ROCK2: variants seen among roughly 807,000 people sequenced by gnomAD.
ROCK2 encodes the protein rho-associated protein kinase 2.
A neutral mutation model predicts 195.1 loss-of-function variants in ROCK2; 61 were observed. The ratio of observed to expected loss-of-function variants is 0.31; its 90% CI spans 0.25 to 0.39. ROCK2 has a LOEUF of 0.39. ROCK2 is among the 10% of genes least tolerant of loss of function. The pLI, the probability that ROCK2 is intolerant of heterozygous loss-of-function variation, is 1.00. For synonymous variants in ROCK2, 504 were observed against 545.5 expected, an observed-to-expected ratio of 0.92 and a Z score of 1.06; for missense variants, 1,109 against 1,637.4, an observed-to-expected ratio of 0.68 and a Z score of 5.57.
chr2:11,315,308 T>C (rs984095489), intron 1 of ROCK2, among the ~76,000 whole-genome samples: 5 of 152,060 alleles, frequency 3.3e-5, no homozygotes, highest in Non-Finnish European at 7.4e-5. Context: ...CTGAATTCAA[T>C]ACTGCAGTGT....
At chr2:11,185,476 C>T (rs1260402901) in intron 32 of ROCK2, among the ~76,000 whole-genome samples, 1 of 152,210 alleles carries the variant, frequency 6.6e-6, no homozygotes, top group African/African-American at 2.4e-5. Flanking sequence ...CGTCTGTAAT[C>T]CCAGCACTTT....
intron 1 of ROCK2, chr2:11,308,022 G>C (rs1667917387): frequency 6.4e-7 from 1 of 1,565,858 alleles, no homozygotes; most frequent in African/African-American, 1.4e-5. Flanking sequence ...GTGGGGACCA[G>C]CCATGTCAGA....
chr2:11,340,915 CA>C (rs1669084126), intron 1 of ROCK2, among the ~76,000 whole-genome samples: 1 of 152,112 alleles, frequency 6.6e-6, no homozygotes, highest in Non-Finnish European at 1.5e-5. Context: ...AATCAACACT[CA>C]AAAAGCACAG....
chr2:11,218,413 G>A (rs753809119), intron 11 of ROCK2, 42 bp downstream of exon 11: 14 of 1,521,726 alleles, frequency 9.2e-6, no homozygotes, highest in Middle Eastern at 3.4e-4. Flanking sequence ...AGAGTGATGA[G>A]CTTTTCTCAG....
intron 5 of ROCK2, 58 bp from the exon 6 acceptor site, chr2:11,227,456 A>C (rs1308740327): frequency 4.7e-6 from 7 of 1,475,418 alleles, no homozygotes; most frequent in Non-Finnish European, 6.5e-6. Context: ...CACACTTATA[A>C]ATGCAATGAA....
intron 3 of ROCK2, among the ~76,000 whole-genome samples, chr2:11,274,466 AAG>A (rs1666757269): frequency 6.6e-6 from 1 of 152,226 alleles, no homozygotes; most frequent in South Asian, 2.1e-4. Flanking sequence ...TAAAATGATT[AAG>A]AGAGTACTCT....
Position 11,208,392 on chromosome 2 carries a change from T to A in ROCK2, c.2259A>T (p.Leu753=). ...ERTLKQKVEN[L]LLEAEKRCSL... ...AACATCTTTTCTCAGCTTCTAGCAA[T>A]AGGTTCTCCACTTTCTGTTTTAAAG... Residue 753 remains leucine, a synonymous_variant, in exon 19 of 33, where the codon CTA becomes CTT. Coordinates refer to ENST00000315872, the MANE Select transcript of ROCK2 (RefSeq NM_004850.5). 4 of 1,562,764 alleles carry A rather than the reference T, an allele frequency of 2.6e-6. No homozygotes were observed. The highest frequency in any genetic ancestry group is 2.6e-6 in the Non-Finnish European group (3 of 1,147,222).
chr2:11,235,628 A>G lies in ROCK2; in HGVS notation c.723+74T>C. On this transcript the variant is annotated intron_variant, in intron 5 of 32. Coordinates refer to ENST00000315872, the MANE Select transcript of ROCK2 (RefSeq NM_004850.5). The surrounding 1 kb of genome is among the most constrained non-coding windows in gnomAD (Gnocchi z 4.2). ...AAATTTACCTTTGTTCAAAACTATGAAGACCTGACTTAAAGTATTTCATTT... is the reference window on the plus strand; with the variant it reads ...AAATTTACCTTTGTTCAAAACTATGGAGACCTGACTTAAAGTATTTCATTT... 1 of 1,462,396 alleles carries G rather than the reference A, an allele frequency of 6.8e-7. No individual in the cohort carries two copies. Among genetic ancestry groups the G allele is most frequent in the Non-Finnish European group, 9.3e-7 (1 of 1,080,862 alleles). The allele number at this position is 1,462,396 out of a possible 1,614,324, so 90.6% of individuals were successfully genotyped here.
rs1667236482 is a variant in ROCK2 at position 11,287,503 on chromosome 2, A to G, written c.223+152T>C. On this transcript the variant is annotated intron_variant, in intron 2 of 32. Coordinates refer to ENST00000315872, the MANE Select transcript of ROCK2 (RefSeq NM_004850.5). Reference sequence around the variant, plus strand: ...CAATTGCTTTAAAAATAAAAGTAACAATTTTTGAATAAATCAAATGGTAAG... The same window carrying G: ...CAATTGCTTTAAAAATAAAAGTAACGATTTTTGAATAAATCAAATGGTAAG... The G allele has an allele frequency of 8.7e-6, 3 of 346,084 alleles. No homozygotes were observed. In the Admixed American group the frequency reaches 1.4e-4, roughly 16 times the overall value. The allele number at this position is 346,084 out of a possible 1,614,324, so 21.4% of individuals were successfully genotyped here. A position where few individuals can be genotyped will look rare whatever the true frequency, so the allele number is the denominator to read the frequency against.
At chr2:11,249,884 G>T (rs528325163) in intron 3 of ROCK2, 86 bp from the exon 4 acceptor site, 38 of 1,126,858 alleles carry the variant, frequency 3.4e-5, no homozygotes, top group Non-Finnish European at 4.3e-5. Context: ...TATTATTAAA[G>T]ACTTCAGTTA....
intron 3 of ROCK2, among the ~76,000 whole-genome samples, chr2:11,250,493 T>C (rs1181564685): frequency 6.6e-6 from 1 of 152,216 alleles, no homozygotes. Flanking sequence ...TGAATGATTA[T>C]AACAGTTAAC....
chr2:11,209,815 T>C (rs1664186328), intron 18 of ROCK2, among the ~76,000 whole-genome samples: 1 of 152,234 alleles, frequency 6.6e-6, no homozygotes. Flanking sequence ...ATTTAGTGTT[T>C]AATGAATGGT....
chr2:11,237,863 A>G lies in ROCK2; in HGVS notation c.463-1901T>C, dbSNP rs532777564. On this transcript the variant is annotated intron_variant, in intron 4 of 32. Coordinates refer to ENST00000315872, the MANE Select transcript of ROCK2 (RefSeq NM_004850.5). ...GAGGCCGAGGCAGGCAGATCACCTG[A>G]GGTCAGGAGTTTGAGATCAGCCTGG... Among the ~76,000 whole-genome samples the G allele has an allele frequency of 8.4e-4, 128 of 152,332 alleles. 1 individual carries two copies. The highest frequency in any genetic ancestry group is 3.0e-3 in the African/African-American group (123 of 41,572).
intron 1 of ROCK2, among the ~76,000 whole-genome samples, chr2:11,326,911 G>T (rs1225858230): frequency 6.6e-6 from 1 of 152,162 alleles, no homozygotes; most frequent in African/African-American, 2.4e-5. Flanking sequence ...ATGAAGGGGG[G>T]AGACCATCCG....
Position 11,201,159 on chromosome 2 carries a change from A to G in ROCK2, c.2724-16T>C, listed in dbSNP as rs759935448. On this transcript the variant is annotated splice_polypyrimidine_tract_variant and intron_variant, in intron 22 of 32. Coordinates refer to ENST00000315872, the MANE Select transcript of ROCK2 (RefSeq NM_004850.5). This position sits in a 1 kb window ranked among gnomAD's most constrained non-coding sequence, Gnocchi z 4.6. ...CAAAGAGTCCCTACATTTTAGCAAT[A>G]TATCATTTTAATGGTTCAGTTTTCA... 9 of 1,586,850 alleles carry G rather than the reference A, an allele frequency of 5.7e-6. No individual in the cohort carries two copies. Among genetic ancestry groups the G allele is most frequent in the African/African-American group, 5.4e-5 (4 of 73,448 alleles).
intron 27 of ROCK2, among the ~76,000 whole-genome samples, chr2:11,195,976 G>A (rs1663620407): frequency 6.6e-6 from 1 of 152,158 alleles, no homozygotes; most frequent in African/African-American, 2.4e-5. Flanking sequence ...GTCTTTTAAT[G>A]AAATAAATAT....
chr2:11,222,040 T>G, intron 8 of ROCK2, 43 bp downstream of exon 8: 1 of 1,190,968 alleles, frequency 8.4e-7, no homozygotes, highest in Non-Finnish European at 1.3e-6. Context: ...CTTATGAGTT[T>G]CAGAATGTGA....
intron 3 of ROCK2, among the ~76,000 whole-genome samples, chr2:11,256,301 TCTC>T (rs1666032351): frequency 6.6e-6 from 1 of 151,158 alleles, no homozygotes; most frequent in Non-Finnish European, 1.5e-5. Context: ...CCCTTGTTGT[TCTC>T]CTGATAGTGA....
chr2:11,326,453 G>A (rs1668553933), intron 1 of ROCK2, among the ~76,000 whole-genome samples: 1 of 152,182 alleles, frequency 6.6e-6, no homozygotes, highest in African/African-American at 2.4e-5. Context: ...GATGAGAGAA[G>A]ACATTATAGT....
Sources: gnomAD v4.1 joint callset for allele counts (sites outside exome capture counted in the v4.1 genomes callset) on GRCh38, gnomAD v4.1.1 for gene constraint, Gnocchi (gnomAD v3.1) non-coding constraint, MANE v1.5 for transcripts, NCBI Gene and HGNC (gene_info 2026-07-23, HGNC 2026-07-21) for gene names.